STUM: variants seen among roughly 807,000 people sequenced by gnomAD.
STUM encodes the protein stum, mechanosensory transduction mediator homolog, also known as protein stum homolog.
A neutral mutation model predicts 15.3 loss-of-function variants in STUM; 8 were observed. The ratio of observed to expected loss-of-function variants is 0.52; its 90% CI spans 0.31 to 0.94. The LOEUF is 0.94. STUM is among the 40% of genes least tolerant of loss of function. The probability of loss-of-function intolerance (pLI) is 0.05; values close to 1 mark genes in which losing one functional copy is unlikely to be tolerated. For synonymous variants in STUM, 78 were observed against 88.7 expected (o/e 0.88, Z 0.68); for missense variants, 142 against 204.9 (o/e 0.69, Z 1.87).
intron 1 of STUM, among the ~76,000 whole-genome samples, chr1:226,575,284 C>T (rs571946332): frequency 1.8e-4 from 27 of 152,254 alleles, no homozygotes; most frequent in Non-Finnish European, 3.1e-4. Flanking sequence ...AGTGCTGTCA[C>T]GCTGCCCTAT....
intron 1 of STUM, among the ~76,000 whole-genome samples, chr1:226,559,349 G>T (rs183329577): frequency 6.6e-6 from 1 of 152,256 alleles, no homozygotes; most frequent in East Asian, 1.9e-4. Context: ...TTCAATTTAC[G>T]GACAAGGGAA....
intron 1 of STUM, among the ~76,000 whole-genome samples, chr1:226,585,183 G>A (rs1182229468): frequency 6.6e-6 from 1 of 152,170 alleles, no homozygotes; most frequent in Non-Finnish European, 1.5e-5. Flanking sequence ...TTTTTAAAAG[G>A]TGGAGTGAAG....
At chr1:226,564,429 C>T (rs957260131) in intron 1 of STUM, among the ~76,000 whole-genome samples, 1 of 152,152 alleles carries the variant, frequency 6.6e-6, no homozygotes, top group African/African-American at 2.4e-5. Context: ...GGGTTCCCTT[C>T]CCAGCATCAT....
chr1:226,551,124 G>C (rs1432649213), intron 1 of STUM, among the ~76,000 whole-genome samples: 1 of 151,888 alleles, frequency 6.6e-6, no homozygotes, highest in Non-Finnish European at 1.5e-5. Flanking sequence ...TTTACTGGGT[G>C]CACAGGCTCC....
At chr1:226,594,813 T>A (rs1668150790) in intron 1 of STUM, among the ~76,000 whole-genome samples, 1 of 152,056 alleles carries the variant, frequency 6.6e-6, no homozygotes. Flanking sequence ...CGCCACCACA[T>A]CCTGCTAATT....
rs897806452 is a variant in STUM, at chr1:226,600,550, T to C, written c.383-116T>C. The C allele has an allele frequency of 1.7e-5, 22 of 1,286,540 alleles. No individual in the cohort carries two copies. The highest frequency in any genetic ancestry group is 2.3e-5 in the Non-Finnish European group (21 of 896,376). The allele number at this position is 1,286,540 out of a possible 1,614,324, so 79.7% of individuals were successfully genotyped here. A position where few individuals can be genotyped will look rare whatever the true frequency, so the allele number is the denominator to read the frequency against. ...CTGTCCCATCTCCCAGGCCTCACCA[T>C]GGATCTGCTTTGTTTCCTGTGCCAA... On this transcript the variant is annotated intron_variant, in intron 2 of 3. Transcript: ENST00000366788. This position sits in a 1 kb window ranked among gnomAD's most constrained non-coding sequence, Gnocchi z 5.2.
chr1:226,565,046 C>T lies in STUM; in HGVS notation c.202+15940C>T, dbSNP rs773697751. Among the ~76,000 whole-genome samples, 3 of 152,190 alleles carry T rather than the reference C, an allele frequency of 2.0e-5. No homozygotes were observed. The highest frequency in any genetic ancestry group is 4.8e-5 in the African/African-American group (2 of 41,440). ...CCTGCATCACCAGTCCCCTTGCCCT[C>T]GAGCTTCCAGGTGTCTTAGCCAATG... On this transcript the variant is annotated intron_variant, in intron 1 of 3. Transcript: ENST00000366788. This position sits in a 1 kb window ranked among gnomAD's most constrained non-coding sequence, Gnocchi z 4.4.
chr1:226,604,810 C>A lies in STUM; in HGVS notation c.*2770C>A. 1 of 152,374 alleles carries A rather than the reference C, an allele frequency of 6.6e-6. No homozygotes were observed. The highest frequency in any genetic ancestry group is 1.5e-5 in the Non-Finnish European group (1 of 68,122). The allele number at this position is 152,374 out of a possible 1,614,324, so 9.4% of individuals were successfully genotyped here. On this transcript the variant is annotated 3_prime_UTR_variant, in exon 4 of 4. Coordinates refer to ENST00000366788, the MANE Select transcript of STUM (RefSeq NM_001003665.4). This position sits in a 1 kb window ranked among gnomAD's most constrained non-coding sequence, Gnocchi z 4.7. Reference sequence around the variant, plus strand: ...CACATTCCAGGTTGGGGCCTTTTGTCGGTCGGAATTCAATAGGACATTCCC... The same window carrying A: ...CACATTCCAGGTTGGGGCCTTTTGTAGGTCGGAATTCAATAGGACATTCCC...
Position 226,600,602 on chromosome 1 carries a change from CTG to C in STUM, c.383-60_383-59del. 2 of 1,594,284 alleles carry C rather than the reference CTG, an allele frequency of 1.3e-6. No individual in the cohort carries two copies. The highest frequency in any genetic ancestry group is 8.6e-7 in the Non-Finnish European group (1 of 1,167,792). On this transcript the variant is annotated intron_variant, in intron 2 of 3. Coordinates refer to ENST00000366788, the MANE Select transcript of STUM (RefSeq NM_001003665.4). This position sits in a 1 kb window ranked among gnomAD's most constrained non-coding sequence, Gnocchi z 5.2. ...CGTTCCCTGTGGCTCTGTTTTCAGG[CTG>C]TGTTTTCTCTTCTTCTCTCTCTCCT...
At chr1:226,593,140 C>T (rs569280345) in intron 1 of STUM, among the ~76,000 whole-genome samples, 146 of 147,058 alleles carry the variant, frequency 9.9e-4, no homozygotes, top group Non-Finnish European at 2.0e-3. Context: ...GAGCTGAGAT[C>T]ACACCACTGC....
In STUM at chr1:226,604,555, G is replaced by T. The variant is rs997808441; in HGVS notation, c.*2515G>T. ...CGCCCCCGCCCCTCTAAATTAGACCGTGGTCTCAGCATGATCATCTTCAGT... is the reference window on the plus strand; with the variant it reads ...CGCCCCCGCCCCTCTAAATTAGACCTTGGTCTCAGCATGATCATCTTCAGT... On this transcript the variant is annotated 3_prime_UTR_variant, in exon 4 of 4. Coordinates refer to ENST00000366788, the MANE Select transcript of STUM (RefSeq NM_001003665.4). The surrounding 1 kb of genome is among the most constrained non-coding windows in gnomAD (Gnocchi z 4.7). The T allele has an allele frequency of 6.6e-6, 1 of 152,224 alleles. No individual in the cohort carries two copies. The highest frequency in any genetic ancestry group is 2.4e-5 in the African/African-American group (1 of 41,446). 9.4% of individuals were successfully genotyped at this position (152,224 alleles called of 1,614,324 possible).
intron 1 of STUM, among the ~76,000 whole-genome samples, chr1:226,571,339 T>C (rs752989339): frequency 6.6e-5 from 10 of 152,100 alleles, no homozygotes; most frequent in Non-Finnish European, 1.2e-4. Context: ...CAGTGGAGGG[T>C]CTAGGAAGTA....
At chr1:226,570,005 G>T (rs1288496609) in intron 1 of STUM, among the ~76,000 whole-genome samples, 1 of 152,190 alleles carries the variant, frequency 6.6e-6, no homozygotes, top group Non-Finnish European at 1.5e-5. Flanking sequence ...CCCTCAGGGT[G>T]ACTGCCACAC....
chr1:226,587,885 A>G (rs1668022017), intron 1 of STUM, among the ~76,000 whole-genome samples: 1 of 151,930 alleles, frequency 6.6e-6, no homozygotes, highest in Non-Finnish European at 1.5e-5. Context: ...AGCAGGAAAG[A>G]CCCCTTAGTT....
intron 1 of STUM, among the ~76,000 whole-genome samples, chr1:226,553,002 A>C (rs1282719741): frequency 6.6e-6 from 1 of 152,244 alleles, no homozygotes; most frequent in African/African-American, 2.4e-5. Flanking sequence ...GCCTTTATTC[A>C]ATATAAAAGT....
intron 1 of STUM, among the ~76,000 whole-genome samples, chr1:226,576,478 T>C (rs1355765014): frequency 6.6e-6 from 1 of 152,228 alleles, no homozygotes; most frequent in Non-Finnish European, 1.5e-5. Context: ...GTGGAGTGTA[T>C]GTGTCCCAGG....
chr1:226,571,586 A>T (rs895713268), intron 1 of STUM, among the ~76,000 whole-genome samples: 1 of 151,970 alleles, frequency 6.6e-6, no homozygotes, highest in Non-Finnish European at 1.5e-5. Context: ...TGGATGCCCC[A>T]GGGGGTTTGT....
At chr1:226,555,829 G>C (rs2102685768) in intron 1 of STUM, among the ~76,000 whole-genome samples, 1 of 152,244 alleles carries the variant, frequency 6.6e-6, no homozygotes, top group South Asian at 2.1e-4. Flanking sequence ...ACCTAAGCCA[G>C]AACTTTCCAA....
At chr1:226,558,071 G>A (rs1430887064) in intron 1 of STUM, among the ~76,000 whole-genome samples, 1 of 152,164 alleles carries the variant, frequency 6.6e-6, no homozygotes, top group Non-Finnish European at 1.5e-5. Context: ...TCTAAGATCT[G>A]GAACAGGACA....
Sources: allele counts gnomAD v4.1 joint callset (sites outside exome capture counted in the v4.1 genomes callset), GRCh38; gene constraint gnomAD v4.1.1; non-coding constraint Gnocchi (gnomAD v3.1); transcripts MANE v1.5; gene names NCBI Gene and HGNC (gene_info 2026-07-23, HGNC 2026-07-21).